The following FRY variants were observed in gnomAD, a reference collection of about 807,000 sequenced individuals.
FRY encodes protein furry homolog.
FRY carries 128 observed loss-of-function variants against 348.4 expected under a neutral mutation model. The observed-to-expected ratio is 0.37, with a 90% confidence interval of 0.32 to 0.43. The LOEUF (loss-of-function observed/expected upper bound fraction) is 0.43, where lower values mean the gene tolerates loss of function less well. Ranked by LOEUF, FRY falls within the 20% of genes least tolerant of loss-of-function variation. The pLI is 1.00. For missense variants in FRY, 2,736 were observed against 3,695.2 expected (o/e 0.74, Z 6.73); for synonymous variants, 1,370 against 1,374.7 (o/e 1.00, Z 0.08).
chr13:32,108,537 G>C (rs909063424), intron 3 of FRY, among the ~76,000 whole-genome samples: 1 of 152,174 alleles, frequency 6.6e-6, no homozygotes, highest in Non-Finnish European at 1.5e-5. Flanking sequence ...AAATGAACCT[G>C]TATTAAACAT....
chr13:32,252,534 T>C (rs1887133529), intron 50 of FRY, among the ~76,000 whole-genome samples: 1 of 152,226 alleles, frequency 6.6e-6, no homozygotes, highest in African/African-American at 2.4e-5. Context: ...AAAAATTGAA[T>C]TAGGTATGGG....
chr13:32,185,199 G>C lies in FRY; in HGVS notation c.3319+51G>C. 2.6e-6 allele frequency: 4 copies of C among 1,530,550 alleles called. No homozygotes were observed. The Middle Eastern group carries it at 6.8e-4, about 259-fold the overall frequency. 94.8% of individuals were successfully genotyped at this position (1,530,550 alleles called of 1,614,324 possible). A position where few individuals can be genotyped will look rare whatever the true frequency, so the allele number is the denominator to read the frequency against. ...ACCATTCATGCTTGGAAGCCCATTC[G>C]TGTTCTTTATTACGGTGCTTTCGTC... On this transcript the variant is annotated intron_variant, in intron 26 of 60. Coordinates refer to ENST00000542859, the MANE Select transcript of FRY (RefSeq NM_023037.3).
chr13:32,265,841 C>T (rs1887898758), intron 54 of FRY, among the ~76,000 whole-genome samples: 1 of 152,108 alleles, frequency 6.6e-6, no homozygotes. Flanking sequence ...ATTCATAAGG[C>T]CAGAAAGCAA....
Position 32,295,208 on chromosome 13 carries a change from G to A in FRY, c.8790G>A (p.Leu2930=). ...CTGTTCTTTTTGACTGCAGAAGTCT[G>A]TGGCCCAATGACATCTTTGGAAGCA... ...ALRQIRECRS[L]WPNDIFGSSS... Residue 2930 remains leucine (L), a synonymous_variant, in exon 61 of 61, where the codon CTG becomes CTA. Coordinates refer to ENST00000542859, the MANE Select transcript of FRY (RefSeq NM_023037.3). The A allele has an allele frequency of 6.2e-7, 1 of 1,613,956 alleles. No individual in the cohort carries two copies. The highest frequency in any genetic ancestry group is 8.5e-7 in the Non-Finnish European group (1 of 1,179,922).
At chr13:32,086,909 T>C (rs950417269) in intron 2 of FRY, among the ~76,000 whole-genome samples, 1 of 152,184 alleles carries the variant, frequency 6.6e-6, no homozygotes, top group African/African-American at 2.4e-5. Context: ...TTAGTAGCCT[T>C]GTTCACAAAA....
intron 11 of FRY, among the ~76,000 whole-genome samples, chr13:32,142,046 GA>G (rs1880105262): frequency 6.6e-6 from 1 of 152,114 alleles, no homozygotes; most frequent in African/African-American, 2.4e-5. Context: ...CTTTGACACA[GA>G]AATCAGTGGT....
chr13:32,284,376 AACAAG>A (rs1390822599), intron 58 of FRY, among the ~76,000 whole-genome samples: 3 of 152,250 alleles, frequency 2.0e-5, no homozygotes, highest in South Asian at 2.1e-4. Context: ...TTAAGTGTTA[AACAAG>A]ACAAGACTTT....
intron 18 of FRY, 96 bp from the exon 19 acceptor site, chr13:32,173,271 C>G: frequency 1.2e-6 from 1 of 856,632 alleles, no homozygotes; most frequent in Admixed American, 1.8e-5. Context: ...TTAATATTTA[C>G]AAGGTCAAAT....
chr13:32,119,725 T>C (rs1467493745), intron 4 of FRY, among the ~76,000 whole-genome samples: 1 of 152,152 alleles, frequency 6.6e-6, no homozygotes, highest in Non-Finnish European at 1.5e-5. Flanking sequence ...TGCAGCTGCA[T>C]AGATTTTCCT....
chr13:32,063,211 G>A (rs527595107), intron 1 of FRY, among the ~76,000 whole-genome samples: 45 of 152,086 alleles, frequency 3.0e-4, no homozygotes, highest in Non-Finnish European at 5.9e-4. Context: ...CCCCCACCAC[G>A]TCCAGTTTGC....
chr13:32,150,820 C>G (rs1880743994), intron 14 of FRY, among the ~76,000 whole-genome samples: 1 of 152,132 alleles, frequency 6.6e-6, no homozygotes, highest in African/African-American at 2.4e-5. Flanking sequence ...GGACCCAGGT[C>G]CCTGTTAGTC....
chr13:32,032,844 T>C (rs942464079), intron 1 of FRY, among the ~76,000 whole-genome samples: 1 of 152,246 alleles, frequency 6.6e-6, no homozygotes, highest in South Asian at 2.1e-4. Context: ...AATTTTAATA[T>C]TGTATTATGT....
chr13:32,218,227 T>C lies in FRY; in HGVS notation c.4683-522T>C, dbSNP rs562457866. 3.3e-5 allele frequency among the ~76,000 whole-genome samples: 5 copies of C among 152,358 alleles called. No homozygotes were observed. The South Asian group carries it at 1.0e-3, about 32-fold the overall frequency. On this transcript the variant is annotated intron_variant, in intron 35 of 60. Transcript: ENST00000542859. ...TATTAGGCTTAAAATTTTTATCTTT[T>C]CAAGGTTTGGACTTGTGCTTATGAG...
rs111967866 is a variant in FRY at position 32,062,634 on chromosome 13, T to C, written c.71-16200T>C. 3.9e-3 allele frequency among the ~76,000 whole-genome samples: 594 copies of C among 152,282 alleles called. 3 individuals carry two copies. Among genetic ancestry groups the C allele is most frequent in the African/African-American group, 0.014 (571 of 41,560 alleles). ...AAGAATTTAATAAAACCTAAAATAT[T>C]TTTTAAATGAGCTGGTATCTAAATG... On this transcript the variant is annotated intron_variant, in intron 1 of 60. Coordinates refer to ENST00000542859, the MANE Select transcript of FRY (RefSeq NM_023037.3).
intron 38 of FRY, 68 bp from the exon 39 acceptor site, chr13:32,225,720 CT>C (rs1486942950): frequency 1.2e-4 from 140 of 1,162,958 alleles, no homozygotes; most frequent in Admixed American, 5.7e-4. Flanking sequence ...ATCCTGGAAT[CT>C]TTACTATCCC....
At chr13:32,292,029 C>T (rs749245195) in intron 59 of FRY, 1 of 451,882 alleles carries the variant, frequency 2.2e-6, no homozygotes, top group South Asian at 1.6e-5. Flanking sequence ...GTTGCCCAGG[C>T]TGGAGTGCAA....
chr13:32,243,933 A>G (rs2806624), intron 46 of FRY, 109 bp from the exon 47 acceptor site: 363,172 of 1,272,266 alleles, frequency 0.29, 57,503 homozygotes, highest in Non-Finnish European at 0.32. Context: ...CTCCTAAAAA[A>G]ATAAAAAATA....
chr13:32,202,583 TG>T, intron 31 of FRY, 56 bp downstream of exon 31: 1 of 1,315,994 alleles, frequency 7.6e-7, no homozygotes, highest in Non-Finnish European at 1.1e-6. Context: ...ATGACGTATG[TG>T]ATCATTTCTA....
chr13:32,152,811 G>A (rs1880880465), intron 14 of FRY, among the ~76,000 whole-genome samples: 1 of 152,144 alleles, frequency 6.6e-6, no homozygotes, highest in Non-Finnish European at 1.5e-5. Context: ...TCAAAAAACA[G>A]TTAAAGTGGA....
Sources: gnomAD v4.1 joint callset for allele counts (sites outside exome capture counted in the v4.1 genomes callset) on GRCh38, gnomAD v4.1.1 for gene constraint, MANE v1.5 for transcripts, NCBI Gene and HGNC (gene_info 2026-07-23, HGNC 2026-07-21) for gene names.